KCNK2: variants seen among roughly 807,000 people sequenced by gnomAD.
The protein encoded by KCNK2 is potassium two pore domain channel subfamily K member 2.
Under a neutral mutation model 40.5 loss-of-function variants are expected in KCNK2, and 21 were observed. The ratio of observed to expected loss-of-function variants is 0.52; its 90% CI spans 0.37 to 0.75. The LOEUF is 0.75. Ranked by LOEUF, KCNK2 falls within the 30% of genes least tolerant of loss-of-function variation. The probability of loss-of-function intolerance (pLI) is 0.00; values close to 1 mark genes in which losing one functional copy is unlikely to be tolerated. For missense variants in KCNK2, 399 were observed against 531.6 expected, an observed-to-expected ratio of 0.75 and a Z score of 2.45; for synonymous variants, 191 against 202.2, an observed-to-expected ratio of 0.94 and a Z score of 0.47.
At chr1:215,199,876 G>A (rs1665012973) in intron 6 of KCNK2, among the ~76,000 whole-genome samples, 1 of 152,098 alleles carries the variant, frequency 6.6e-6, no homozygotes, top group Admixed American at 6.5e-5. Flanking sequence ...CATACCTCAG[G>A]TTCCTACTGT....
At chr1:215,059,695 T>C (rs1214681730) in intron 1 of KCNK2, among the ~76,000 whole-genome samples, 1 of 152,172 alleles carries the variant, frequency 6.6e-6, no homozygotes, top group African/African-American at 2.4e-5. Context: ...CACAGAATTT[T>C]ATTTGTGGGC....
chr1:215,141,833 A>C (rs778898476), intron 3 of KCNK2, among the ~76,000 whole-genome samples: 21 of 152,084 alleles, frequency 1.4e-4, no homozygotes, highest in Admixed American at 5.2e-4. Context: ...AAAATCCTGC[A>C]CTTATTCCAG....
intron 6 of KCNK2, among the ~76,000 whole-genome samples, chr1:215,210,331 A>G (rs1665685092): frequency 6.6e-6 from 1 of 151,752 alleles, no homozygotes; most frequent in South Asian, 2.1e-4. Flanking sequence ...ATGATTCTGA[A>G]TGAACAGGCA....
At chr1:215,006,997 C>CTATATATATATATATATATATA (rs199497700) in intron 1 of KCNK2, among the ~76,000 whole-genome samples, 1 of 81,698 alleles carries the variant, frequency 1.2e-5, no homozygotes, top group Admixed American at 1.2e-4. Flanking sequence ...GACCAATTCA[C>CTATATATATATATATATATATA]TATATATATA....
chr1:215,018,171 C>T (rs555262312), intron 1 of KCNK2, among the ~76,000 whole-genome samples: 1 of 152,248 alleles, frequency 6.6e-6, no homozygotes, highest in Admixed American at 6.5e-5. Flanking sequence ...AATCATCAGA[C>T]CTCCAGTAGC....
chr1:215,179,666 G>A (rs1325462980), intron 5 of KCNK2, among the ~76,000 whole-genome samples: 1 of 151,968 alleles, frequency 6.6e-6, no homozygotes, highest in African/African-American at 2.4e-5. Flanking sequence ...ATAATTGTGT[G>A]GTTTTGAGAG....
chr1:215,137,788 G>A (rs1233027625), intron 3 of KCNK2, among the ~76,000 whole-genome samples: 1 of 152,106 alleles, frequency 6.6e-6, no homozygotes, highest in African/African-American at 2.4e-5. Context: ...TAATTACTAT[G>A]CAAATAAAAT....
At chr1:215,136,367 G>C (rs1271030812) in intron 3 of KCNK2, among the ~76,000 whole-genome samples, 1 of 152,066 alleles carries the variant, frequency 6.6e-6, no homozygotes, top group Non-Finnish European at 1.5e-5. Flanking sequence ...CAAAGTGCTA[G>C]GATTACAGGT....
At position 215,023,071 on chromosome 1, in the gene KCNK2, T is replaced by C. The variant is rs78915964; in HGVS notation, c.34+17116T>C. ...CATGGATTTCCACAGCCTACAGATT[T>C]TGAAACTGAAGTAGGTGGCCCTGAA... On this transcript the variant is annotated intron_variant, in intron 1 of 6. Coordinates refer to the KCNK2 transcript ENST00000391895. Among the ~76,000 whole-genome samples, 61 of 152,318 alleles carry C rather than the reference T, an allele frequency of 4.0e-4. 2 individuals carry two copies. The East Asian group carries it at 0.012, about 29-fold the overall frequency.
At chr1:215,012,849 C>A (rs565817096) in intron 1 of KCNK2, among the ~76,000 whole-genome samples, 1 of 151,900 alleles carries the variant, frequency 6.6e-6, no homozygotes, top group African/African-American at 2.4e-5. Flanking sequence ...CCTTAGCCAT[C>A]TTTTATGGAG....
At chr1:215,118,294 G>A (rs1181156458) in intron 2 of KCNK2, among the ~76,000 whole-genome samples, 1 of 152,134 alleles carries the variant, frequency 6.6e-6, no homozygotes, top group African/African-American at 2.4e-5. Flanking sequence ...ACACATGACT[G>A]TGTATTATTG....
At chr1:215,087,171 A>G (rs1342247002) in intron 2 of KCNK2, among the ~76,000 whole-genome samples, 4 of 152,246 alleles carry the variant, frequency 2.6e-5, no homozygotes, top group Non-Finnish European at 5.9e-5. Flanking sequence ...AGATGAATTC[A>G]TGATGTGACC....
At chr1:215,144,597 C>G (rs900547744) in intron 3 of KCNK2, among the ~76,000 whole-genome samples, 2 of 152,112 alleles carry the variant, frequency 1.3e-5, no homozygotes, top group Non-Finnish European at 2.9e-5. Flanking sequence ...TCTATTCTGC[C>G]TTATTGCCAC....
At chr1:215,076,892 C>G (rs1019713326) in intron 1 of KCNK2, among the ~76,000 whole-genome samples, 1 of 152,186 alleles carries the variant, frequency 6.6e-6, no homozygotes, top group African/African-American at 2.4e-5. Context: ...TCAACACTAA[C>G]TGGCTTAAAC....
At chr1:215,100,495 C>A (rs996475447) in intron 2 of KCNK2, among the ~76,000 whole-genome samples, 1 of 151,874 alleles carries the variant, frequency 6.6e-6, no homozygotes, top group African/African-American at 2.4e-5. Context: ...AGCATTGAAG[C>A]CAGTGAATAT....
Position 215,036,161 on chromosome 1 carries a change from T to C in KCNK2, c.34+30206T>C, listed in dbSNP as rs185344674. Among the ~76,000 whole-genome samples, 8 of 151,518 alleles carry C rather than the reference T, an allele frequency of 5.3e-5. No homozygotes were observed. The East Asian group carries it at 1.5e-3, about 29-fold the overall frequency. On this transcript the variant is annotated intron_variant, in intron 1 of 6. Transcript: ENST00000391895. ...TTTTTTTTTCCTAGAAAATTTATAA[T>C]TTTAGCTTTTACTTTGAGGTCTGTA...
At chr1:215,087,273 C>A (rs903030808) in intron 2 of KCNK2, among the ~76,000 whole-genome samples, 2 of 152,178 alleles carry the variant, frequency 1.3e-5, no homozygotes, top group African/African-American at 4.8e-5. Context: ...AAAGTATCTG[C>A]AGATAAGTGA....
intron 6 of KCNK2, among the ~76,000 whole-genome samples, chr1:215,224,773 A>T (rs573261847): frequency 6.6e-6 from 1 of 152,308 alleles, no homozygotes; most frequent in Non-Finnish European, 1.5e-5. Flanking sequence ...CACTTTAGTC[A>T]AAAATGTAGA....
chr1:215,086,856 C>T (rs1029619492), intron 2 of KCNK2, among the ~76,000 whole-genome samples, 178 bp downstream of exon 2: 5 of 152,158 alleles, frequency 3.3e-5, no homozygotes, highest in African/African-American at 1.2e-4. Flanking sequence ...ACTTCTCCTG[C>T]CTATATTCTC....
Sources: gnomAD v4.1 joint callset for allele counts (sites outside exome capture counted in the v4.1 genomes callset) on GRCh38, gnomAD v4.1.1 for gene constraint, MANE v1.5 for transcripts, NCBI Gene and HGNC (gene_info 2026-07-23, HGNC 2026-07-21) for gene names.